PRAME: variants seen among roughly 807,000 people sequenced by gnomAD.
The protein encoded by PRAME is PRAME nuclear receptor transcriptional regulator, also known as melanoma antigen preferentially expressed in tumors.
In PRAME, 21 loss-of-function variants were observed where a neutral mutation model predicts 32.1. The observed-to-expected ratio is 0.65, with a 90% CI of 0.46 to 0.94. The LOEUF is 0.94. Ranked by LOEUF, PRAME falls within the 40% of genes least tolerant of loss-of-function variation. The pLI is 0.00. For missense variants in PRAME, 651 were observed against 622.3 expected (o/e 1.05, Z -0.49); for synonymous variants, 274 against 251.5 (o/e 1.09, Z -0.85).
At position 22,559,162 on chromosome 22, in the gene PRAME, C is replaced by G. The variant is rs910530295; in HGVS notation, c.-305G>C. 1 of 259,692 alleles carries G rather than the reference C, an allele frequency of 3.9e-6. No homozygotes were observed. Among genetic ancestry groups the G allele is most frequent in the Non-Finnish European group, 7.5e-6 (1 of 133,212 alleles). The allele number at this position is 259,692 out of a possible 1,614,324, so 16.1% of individuals were successfully genotyped here. The stretch of plus-strand genomic sequence containing the variant: ...CTACATTCAGGGCTGCTCCTTTTGT[C>G]GCCAATACAGACCTGTTGACAGGTC... On this transcript the variant is annotated 5_prime_UTR_variant, in exon 1 of 6. Coordinates refer to ENST00000405655, the MANE Select transcript of PRAME (RefSeq NM_206956.3).
chr22:22,549,135 T>C (rs1348625233), intron 5 of PRAME, among the ~76,000 whole-genome samples: 1 of 148,146 alleles, frequency 6.8e-6, no homozygotes, highest in Admixed American at 6.8e-5. Flanking sequence ...CCAAAGGGGG[T>C]TCCCAGGCTG....
Position 22,549,850 on chromosome 22 carries a change from A to T in PRAME, c.829T>A (p.Ser277Thr). The change falls in exon 5 of 6, where the codon TCC becomes ACC. Residue 277 changes from serine to threonine, a missense_variant. By Grantham distance (58) the Ser-to-Thr change is moderately conservative. Coordinates refer to ENST00000405655, the MANE Select transcript of PRAME (RefSeq NM_206956.3). ...ATATACTGCTCTTCCTTCTCCGGGG[A>T]AATGTAGGAAGATGCATGGATGTGG... is the stretch of plus-strand genomic sequence containing the variant. ...LSHIHASSYI[S>T]PEKEEQYIAQ... 1.9e-6 allele frequency: 3 copies of T among 1,613,710 alleles called. No individual in the cohort carries two copies. The highest frequency in any genetic ancestry group is 2.5e-6 in the Non-Finnish European group (3 of 1,179,944).
intron 3 of PRAME, among the ~76,000 whole-genome samples, chr22:22,556,520 C>T (rs965626911): frequency 2.0e-5 from 3 of 151,746 alleles, no homozygotes; most frequent in African/African-American, 4.8e-5. Context: ...CAGTGTTAGC[C>T]AGGAATGGTC....
In PRAME at chr22:22,548,398, G is replaced by A. The variant is rs763483315; in HGVS notation, c.1199C>T (p.Pro400Leu). The part of the protein sequence containing the change: ...ITDDQLLALL[P>L]SLSHCSQLTT... ...AAGCTGGGAGCAGTGGCTCAGGGAAGGCAGGAGGGCAAGGAGCTGATCATC... is the reference window on the plus strand; with the variant it reads ...AAGCTGGGAGCAGTGGCTCAGGGAAAGCAGGAGGGCAAGGAGCTGATCATC... Residue 400 changes from proline to leucine, a missense_variant, in exon 6 of 6, where the codon CCT becomes CTT. Physicochemically the swap from Pro to Leu is moderately conservative, Grantham distance 98. Transcript: ENST00000405655. The A allele has an allele frequency of 1.2e-6, 2 of 1,613,408 alleles. No homozygotes were observed. The highest frequency in any genetic ancestry group is 2.7e-5 in the African/African-American group (2 of 74,840).
intron 3 of PRAME, chr22:22,553,082 G>A: frequency 2.7e-6 from 1 of 373,006 alleles, no homozygotes; most frequent in Non-Finnish European, 5.4e-6. Flanking sequence ...AAGAAAAAGT[G>A]AACAAAACCA....
intron 3 of PRAME, among the ~76,000 whole-genome samples, chr22:22,555,129 T>C (rs1002114853): frequency 6.6e-6 from 1 of 151,986 alleles, no homozygotes; most frequent in African/African-American, 2.4e-5. Context: ...TATTTCTGCA[T>C]GTCCTGTCTA....
chr22:22,554,195 C>T, intron 3 of PRAME: 6 of 985,164 alleles, frequency 6.1e-6, no homozygotes, highest in Non-Finnish European at 7.2e-6. Context: ...AGTTTTGGAA[C>T]CTCTCCACCC....
intron 2 of PRAME, 187 bp from the exon 3 acceptor site, chr22:22,557,096 G>A (rs2062974588): frequency 3.6e-6 from 2 of 553,938 alleles, no homozygotes; most frequent in Non-Finnish European, 6.5e-6. Context: ...GCTGAACCAG[G>A]GGGCAGGAGG....
chr22:22,555,300 A>C (rs1298844879), intron 3 of PRAME, among the ~76,000 whole-genome samples: 1 of 151,656 alleles, frequency 6.6e-6, no homozygotes, highest in African/African-American at 2.4e-5. Flanking sequence ...GCAGTGGCGC[A>C]ATCTTGGCTC....
rs2062536191 is a variant in PRAME at position 22,551,037 on chromosome 22, C to A, written c.74G>T (p.Arg25Ile). The A allele has an allele frequency of 1.2e-6, 2 of 1,608,698 alleles. 1 individual carries two copies. The highest frequency in any genetic ancestry group is 4.5e-5 in the East Asian group (2 of 44,640). Residue 25 changes from arginine to isoleucine, a missense_variant, in exon 4 of 6, where the codon AGA becomes ATA. Transcript: ENST00000405655. ...GCTCTGCCCTGCCAGCTCCACAAGT[C>A]TCCGTGGGCTTGTCCACACACTCAT... is the stretch of plus-strand genomic sequence containing the variant. Reference protein sequence around the residue: ...ISMSVWTSPRRLVELAGQSLL... With the variant: ...ISMSVWTSPRILVELAGQSLL...
chr22:22,550,724 C>G (rs765190079), intron 4 of PRAME, 43 bp downstream of exon 4: 1 of 1,528,310 alleles, frequency 6.5e-7, no homozygotes, highest in Admixed American at 2.0e-5. Flanking sequence ...GCATCCTGCT[C>G]AGGTTCCCAG....
At position 22,549,761 on chromosome 22, in the gene PRAME, T is replaced by C. The variant is rs770438544; in HGVS notation, c.918A>G (p.Leu306=). 1.9e-6 allele frequency: 3 copies of C among 1,608,996 alleles called. No individual in the cohort carries two copies. The highest frequency in any genetic ancestry group is 4.5e-5 in the East Asian group (2 of 44,744). ...GATCCAGGCGGCCTCTAAGGAAAAA[T>C]AAAGAGTCCACATAGAGAGCCTGCA... ...QCLQALYVDS[L]FFLRGRLDQL... The change falls in exon 5 of 6, where the codon TTA becomes TTG. Residue 306 remains leucine, a synonymous_variant. Coordinates refer to ENST00000405655, the MANE Select transcript of PRAME (RefSeq NM_206956.3).
intron 3 of PRAME, among the ~76,000 whole-genome samples, chr22:22,556,097 G>A (rs1415552116): frequency 6.6e-6 from 1 of 151,456 alleles, no homozygotes; most frequent in Non-Finnish European, 1.5e-5. Flanking sequence ...GGGTTCAAGC[G>A]ATTCTCCTGC....
intron 3 of PRAME, chr22:22,554,082 A>G (rs2062760486): frequency 1.0e-6 from 1 of 963,264 alleles, no homozygotes; most frequent in African/African-American, 2.1e-5. Context: ...CACAGTGCAC[A>G]AATACATTTT....
At position 22,559,253 on chromosome 22, in the gene PRAME, G is replaced by A; in HGVS notation, c.-396C>T. The A allele has an allele frequency of 3.2e-6, 1 of 315,922 alleles. No homozygotes were observed. The highest frequency in any genetic ancestry group is 6.2e-6 in the Non-Finnish European group (1 of 160,792). The allele number at this position is 315,922 out of a possible 1,614,324, so 19.6% of individuals were successfully genotyped here. Reference sequence around the variant, plus strand: ...GGCGCTGCAGGCCCGGCTTCTGGCTGCGGGGGAGCTGTACCCTGAAGCCTC... The same window carrying A: ...GGCGCTGCAGGCCCGGCTTCTGGCTACGGGGGAGCTGTACCCTGAAGCCTC... On this transcript the variant is annotated 5_prime_UTR_variant, in exon 1 of 6. Transcript: ENST00000405655.
In PRAME at chr22:22,548,043, G is replaced by T; in HGVS notation, c.*24C>A. On this transcript the variant is annotated 3_prime_UTR_variant, in exon 6 of 6. Transcript: ENST00000405655. ...GCTTTAGTGTCCAAGTATGCAGAATGAAGCATTTGATATGTGCACCCAGCT... is the reference window on the plus strand; with the variant it reads ...GCTTTAGTGTCCAAGTATGCAGAATTAAGCATTTGATATGTGCACCCAGCT... The T allele has an allele frequency of 6.3e-7, 1 of 1,584,350 alleles. No individual in the cohort carries two copies. The highest frequency in any genetic ancestry group is 2.2e-5 in the East Asian group (1 of 44,502).
At chr22:22,551,199 G>A in intron 3 of PRAME, 110 bp from the exon 4 acceptor site, 2 of 1,003,776 alleles carry the variant, frequency 2.0e-6, no homozygotes, top group Non-Finnish European at 2.9e-6. Flanking sequence ...CACTGTGCTA[G>A]CAACAGCAGG....
intron 4 of PRAME, 81 bp downstream of exon 4, chr22:22,550,686 A>G: frequency 7.0e-7 from 1 of 1,435,052 alleles, no homozygotes; most frequent in Non-Finnish European, 9.4e-7. Context: ...GCCCAGCCTT[A>G]GGCGCTCCAT....
chr22:22,555,516 G>A (rs1019795457), intron 3 of PRAME, among the ~76,000 whole-genome samples: 1 of 152,008 alleles, frequency 6.6e-6, no homozygotes, highest in Admixed American at 6.6e-5. Context: ...GAGATTACAA[G>A]AGTGAGCCAC....
Sources: gnomAD v4.1 joint callset for allele counts (sites outside exome capture counted in the v4.1 genomes callset) on GRCh38, gnomAD v4.1.1 for gene constraint, MANE v1.5 for transcripts, NCBI Gene and HGNC (gene_info 2026-07-23, HGNC 2026-07-21) for gene names.